PIGQ: variants seen among roughly 807,000 people sequenced by gnomAD.
PIGQ encodes phosphatidylinositol glycan anchor biosynthesis class Q.
Under a neutral mutation model 60.3 loss-of-function variants are expected in PIGQ, and 54 were observed. That is an observed-to-expected ratio of 0.90 (90% CI 0.72 to 1.12). The LOEUF is 1.12. Among genes scored for constraint, PIGQ ranks in the 50% most tolerant of loss-of-function variants. The pLI, the probability that PIGQ is intolerant of heterozygous loss-of-function variation, is 0.00. For synonymous variants in PIGQ, 416 were observed against 363.7 expected (o/e 1.14, Z -1.64); for missense variants, 799 against 793.5 (o/e 1.01, Z -0.08).
intron 1 of PIGQ, 68 bp downstream of exon 1, chr16:570,164 C>CTGG (rs2035597886): frequency 6.6e-6 from 1 of 151,412 alleles, no homozygotes; most frequent in African/African-American, 2.4e-5. Flanking sequence ...CGGGCCTGGG[C>CTGG]TGGGGGCTCC....
intron 8 of PIGQ, 173 bp from the exon 9 acceptor site, chr16:580,685 G>C (rs573022661): frequency 1.6e-6 from 1 of 637,056 alleles, no homozygotes; most frequent in South Asian, 1.8e-5. Flanking sequence ...CTCCAGCTTT[G>C]CTCCAGAGCA....
At chr16:571,820 G>GT (rs1051115853) in intron 1 of PIGQ, among the ~76,000 whole-genome samples, 1 of 151,934 alleles carries the variant, frequency 6.6e-6, no homozygotes, top group African/African-American at 2.4e-5. Flanking sequence ...CCCACAGTAC[G>GT]TTGAGTTTTC....
At chr16:577,394 A>G (rs150352578) in intron 4 of PIGQ, among the ~76,000 whole-genome samples, 7,900 of 151,926 alleles carry the variant, frequency 0.052, 324 homozygotes, top group East Asian at 0.26. Context: ...TGGCTAACAC[A>G]GTGAAATCCC....
At chr16:575,493 C>T (rs4984896) in intron 2 of PIGQ, among the ~76,000 whole-genome samples, 70,003 of 152,100 alleles carry the variant, frequency 0.46, 16,533 homozygotes, top group East Asian at 0.64. Context: ...CAGGAGACCC[C>T]GGGCAGCTTT....
At chr16:572,656 ACT>A (rs1044832702) in intron 1 of PIGQ, 1 of 430,730 alleles carries the variant, frequency 2.3e-6, no homozygotes, top group African/African-American at 2.4e-5. Context: ...CAGGCATCCC[ACT>A]CTGTTCCCTC....
chr16:576,915 C>T (rs2035727651), intron 4 of PIGQ: 1 of 164,956 alleles, frequency 6.1e-6, no homozygotes. Context: ...TGGTACCTGA[C>T]TCTTTGGCCC....
chr16:571,289 C>CGT (rs1194102863), intron 1 of PIGQ, among the ~76,000 whole-genome samples: 112 of 3,278 alleles, frequency 0.034, 13 homozygotes, highest in African/African-American at 0.13. Context: ...GCCTGGCGCC[C>CGT]GTGTGTGTGT....
chr16:583,504 C>G lies in PIGQ; in HGVS notation c.*469C>G. ...AGTCCCAGGCACCCTCTAGCTCCCT[C>G]AGCCGAACAGCACCCTGCATCTGGG... On this transcript the variant is annotated 3_prime_UTR_variant, in exon 11 of 11. Transcript: ENST00000321878. The G allele has an allele frequency of 4.3e-6, 7 of 1,612,766 alleles. No homozygotes were observed. The highest frequency in any genetic ancestry group is 5.9e-6 in the Non-Finnish European group (7 of 1,179,918).
chr16:579,206 G>A, intron 7 of PIGQ, 26 bp downstream of exon 7: 1 of 1,575,824 alleles, frequency 6.3e-7, no homozygotes, highest in Non-Finnish European at 8.7e-7. Flanking sequence ...CGTGGCTGGA[G>A]GGGCTGACTG....
At chr16:571,065 G>GGCTAGCC (rs1353399298) in intron 1 of PIGQ, among the ~76,000 whole-genome samples, 2 of 18,800 alleles carry the variant, frequency 1.1e-4, no homozygotes, top group Admixed American at 6.1e-4. Context: ...GTGTGTGTGT[G>GGCTAGCC]TGTGTGTGTG....
In PIGQ at chr16:579,237, G is replaced by C. The variant is rs1359719065; in HGVS notation, c.1335+57G>C. On this transcript the variant is annotated intron_variant, in intron 7 of 10. Transcript: ENST00000321878. ...GACTGCCTCCGGCCTGTGCCCGCTG[G>C]GCCAGCGCGGTGCTTGGGCACCACA... 12 of 1,424,266 alleles carry C rather than the reference G, an allele frequency of 8.4e-6. No individual in the cohort carries two copies. In the African/African-American group the frequency reaches 1.7e-4, roughly 20 times the overall value. 88.2% of individuals were successfully genotyped at this position (1,424,266 alleles called of 1,614,324 possible).
rs773646196 is a variant in PIGQ, at chr16:578,891, C to T, written c.1176C>T (p.Ile392=). Residue 392 remains isoleucine (I), a synonymous_variant, in exon 6 of 11, where the codon ATC becomes ATT. Coordinates refer to ENST00000321878, the MANE Select transcript of PIGQ (RefSeq NM_004204.5). The stretch of plus-strand genomic sequence containing the variant: ...CCCTGTCCCTCCTCTCGGACATTAT[C>T]GCCCTCCTCACCTTCCACATCTACT... ...TVALSLLSDI[I]ALLTFHIYCF... is the part of the protein sequence containing the mutation. The T allele has an allele frequency of 5.0e-6, 8 of 1,613,636 alleles. No homozygotes were observed. Among genetic ancestry groups the T allele is most frequent in the South Asian group, 1.1e-5 (1 of 91,086 alleles).
chr16:572,669 G>A (rs1053718889), intron 1 of PIGQ: 10 of 455,364 alleles, frequency 2.2e-5, no homozygotes, highest in Admixed American at 7.1e-5. Context: ...CTGTTCCCTC[G>A]TCCCTAAGGG....
rs748140005 is a variant in PIGQ at position 574,637 on chromosome 16, T to G, written c.563T>G (p.Leu188Arg). The change falls in exon 2 of 11, where the codon CTG becomes CGG. Residue 188 changes from leucine (L) to arginine (R), a missense_variant. Physicochemically the swap from Leu to Arg is moderately radical, Grantham distance 102. Coordinates refer to ENST00000321878, the MANE Select transcript of PIGQ (RefSeq NM_004204.5). ...CGCTTTGATGAGGGCCCCGTGCGGC[T>G]GAGCCACTGGCAGTCGGAGGGCGTG... ...SDRFDEGPVR[L>R]SHWQSEGVEA... 1 of 1,607,974 alleles carries G rather than the reference T, an allele frequency of 6.2e-7. No individual in the cohort carries two copies.
In PIGQ at chr16:583,410, C is replaced by T. The variant is rs769964652; in HGVS notation, c.*375C>T. The T allele has an allele frequency of 1.2e-6, 2 of 1,612,792 alleles. No individual in the cohort carries two copies. Among genetic ancestry groups the T allele is most frequent in the Admixed American group, 3.3e-5 (2 of 60,026 alleles). Reference sequence around the variant, plus strand: ...GCAGCCCCAGGTGGAGGGCTGGTCTCCCTGGGGGCTCCCCAGTGGCTCTGC... The same window carrying T: ...GCAGCCCCAGGTGGAGGGCTGGTCTTCCTGGGGGCTCCCCAGTGGCTCTGC... On this transcript the variant is annotated 3_prime_UTR_variant, in exon 11 of 11. Coordinates refer to ENST00000321878, the MANE Select transcript of PIGQ (RefSeq NM_004204.5).
intron 4 of PIGQ, 184 bp downstream of exon 4, chr16:576,438 G>C: frequency 1.5e-6 from 1 of 682,298 alleles, no homozygotes; most frequent in East Asian, 2.7e-5. Flanking sequence ...CCTGGGCAGG[G>C]CAGGCCTCGC....
At chr16:581,026 C>T in intron 9 of PIGQ, 54 bp downstream of exon 9, 1 of 1,355,232 alleles carries the variant, frequency 7.4e-7, no homozygotes, top group Non-Finnish European at 1.1e-6. Context: ...GGAACCACAC[C>T]TGTGGGCCCT....
chr16:578,713 T>G, intron 5 of PIGQ, 72 bp from the exon 6 acceptor site: 15 of 1,509,828 alleles, frequency 9.9e-6, no homozygotes, highest in African/African-American at 1.4e-5. Context: ...TCATGTCCTG[T>G]GTGTGTGAGG....
At chr16:579,873 GC>G (rs2035785125) in intron 7 of PIGQ, 1 of 250,732 alleles carries the variant, frequency 4.0e-6, no homozygotes, top group Non-Finnish European at 7.6e-6. Context: ...AGTTGCCCGG[GC>G]CCGTCTGCTG....
Sources: gnomAD v4.1 joint callset for allele counts (sites outside exome capture counted in the v4.1 genomes callset) on GRCh38, gnomAD v4.1.1 for gene constraint, MANE v1.5 for transcripts, NCBI Gene and HGNC (gene_info 2026-07-23, HGNC 2026-07-21) for gene names.